The following PPP6R3 variants were observed in gnomAD, a reference collection of about 807,000 sequenced individuals.
The protein encoded by PPP6R3 is serine/threonine-protein phosphatase 6 regulatory subunit 3.
PPP6R3 carries 38 observed loss-of-function variants against 110.7 expected under a neutral mutation model. That is an observed-to-expected ratio of 0.34 (90% CI 0.26 to 0.45). PPP6R3 has a LOEUF of 0.45. Among genes scored for constraint, PPP6R3 ranks in the 20% least tolerant of loss-of-function variants. The pLI is 1.00. For missense variants in PPP6R3, 870 were observed against 1,062.4 expected, an observed-to-expected ratio of 0.82 and a Z score of 2.52; for synonymous variants, 369 against 373.5, an observed-to-expected ratio of 0.99 and a Z score of 0.14.
intron 13 of PPP6R3, among the ~76,000 whole-genome samples, chr11:68,575,644 T>C (rs996357940): frequency 6.6e-6 from 1 of 152,206 alleles, no homozygotes; most frequent in African/African-American, 2.4e-5. Context: ...CAGGTTAAGC[T>C]TCTACCAGAG....
chr11:68,490,343 A>T (rs1300769104), intron 1 of PPP6R3, among the ~76,000 whole-genome samples: 1 of 151,152 alleles, frequency 6.6e-6, no homozygotes, highest in East Asian at 1.9e-4. Flanking sequence ...TCCCACCTTG[A>T]TTTCTTTTAA....
At chr11:68,569,659 C>T in intron 10 of PPP6R3, 89 bp from the exon 11 acceptor site, 1 of 1,196,078 alleles carries the variant, frequency 8.4e-7, no homozygotes, top group Non-Finnish European at 1.1e-6. Context: ...ATCATTTTTA[C>T]TTTATTAAAT....
intron 16 of PPP6R3, among the ~76,000 whole-genome samples, chr11:68,590,436 A>T (rs2099591646): frequency 6.6e-6 from 1 of 152,186 alleles, no homozygotes; most frequent in South Asian, 2.1e-4. Flanking sequence ...CAAAGGCTTT[A>T]TGTCTCAGAA....
At chr11:68,592,626 T>G (rs1262900973) in intron 18 of PPP6R3, among the ~76,000 whole-genome samples, 2 of 152,178 alleles carry the variant, frequency 1.3e-5, no homozygotes, top group African/African-American at 2.4e-5. Context: ...TGAATAAGGC[T>G]GTTAGACCGG....
At chr11:68,605,311 TCAAA>T (rs932647806) in intron 22 of PPP6R3, among the ~76,000 whole-genome samples, 1 of 152,176 alleles carries the variant, frequency 6.6e-6, no homozygotes, top group African/African-American at 2.4e-5. Flanking sequence ...AGACCCTGTC[TCAAA>T]CAAAAGCGAA....
In PPP6R3 at chr11:68,538,228, G is replaced by A. The variant is rs2099280444; in HGVS notation, c.227+337G>A. ...GGACATGATGTGACTATGCAGAATC[G>A]CACAGCAGATCTAAGTCAGAGCTTG... is the stretch of plus-strand genomic sequence containing the variant. On this transcript the variant is annotated intron_variant, in intron 3 of 23. Transcript: ENST00000393800. 3.3e-5 allele frequency among the ~76,000 whole-genome samples: 5 copies of A among 152,304 alleles called. No homozygotes were observed. In the South Asian group the frequency reaches 8.3e-4, roughly 25 times the overall value.
intron 1 of PPP6R3, among the ~76,000 whole-genome samples, chr11:68,481,984 G>T (rs1263359821): frequency 6.6e-6 from 1 of 152,084 alleles, no homozygotes; most frequent in Non-Finnish European, 1.5e-5. Context: ...TCAGAAGTGG[G>T]ATAGAACCTT....
At chr11:68,531,307 T>TTTGATTGATTGA (rs143892274) in intron 2 of PPP6R3, among the ~76,000 whole-genome samples, 6 of 136,952 alleles carry the variant, frequency 4.4e-5, no homozygotes, top group African/African-American at 1.6e-4. Flanking sequence ...TGAGACTGTG[T>TTTGATTGATTGA]TTTATTTATT....
chr11:68,554,402 G>C (rs759366191), intron 7 of PPP6R3, 145 bp downstream of exon 7: 2 of 529,150 alleles, frequency 3.8e-6, no homozygotes, highest in African/African-American at 3.9e-5. Context: ...AGGGAAACCT[G>C]CTTCTTTTAT....
In PPP6R3 at chr11:68,467,509, C is replaced by T. The variant is rs372643921; in HGVS notation, c.-158+6682C>T. 2.6e-5 allele frequency among the ~76,000 whole-genome samples: 4 copies of T among 152,178 alleles called. No individual in the cohort carries two copies. In the South Asian group the frequency reaches 8.3e-4, roughly 31 times the overall value. The stretch of plus-strand genomic sequence containing the variant: ...TAGTTGGAGCCTTGGGTTTCCTATA[C>T]CTACATGTAAATCTGAACAAAAATT... On this transcript the variant is annotated intron_variant, in intron 1 of 23. Transcript: ENST00000393800.
chr11:68,603,283 T>C, intron 21 of PPP6R3, 59 bp from the exon 22 acceptor site: 1 of 1,599,690 alleles, frequency 6.3e-7, no homozygotes, highest in South Asian at 1.1e-5. Context: ...TGTACAGTGG[T>C]GGGGTGCCAG....
chr11:68,554,732 CAT>C (rs1419236000), intron 7 of PPP6R3, among the ~76,000 whole-genome samples: 5 of 152,234 alleles, frequency 3.3e-5, no homozygotes, highest in African/African-American at 1.2e-4. Flanking sequence ...TCTAGATTCA[CAT>C]GTTTTTAAAA....
chr11:68,588,375 C>T (rs2099585351), intron 16 of PPP6R3, among the ~76,000 whole-genome samples: 1 of 152,082 alleles, frequency 6.6e-6, no homozygotes, highest in Non-Finnish European at 1.5e-5. Context: ...TGGCAGGCAC[C>T]TGTAATCCCA....
At chr11:68,511,053 C>T (rs1461235587) in intron 1 of PPP6R3, among the ~76,000 whole-genome samples, 1 of 150,438 alleles carries the variant, frequency 6.6e-6, no homozygotes, top group Non-Finnish European at 1.5e-5. Context: ...ACGTATACTA[C>T]ATTACGACCA....
chr11:68,550,912 A>C (rs566550585), intron 5 of PPP6R3: 27 of 477,630 alleles, frequency 5.7e-5, no homozygotes, highest in African/African-American at 5.3e-4. Context: ...TAATTTGGGG[A>C]GTTGTTGGTA....
At chr11:68,568,926 A>G (rs1245196843) in intron 10 of PPP6R3, among the ~76,000 whole-genome samples, 1 of 151,808 alleles carries the variant, frequency 6.6e-6, no homozygotes, top group African/African-American at 2.4e-5. Context: ...CACCACACCC[A>G]GCGATTTTTT....
intron 8 of PPP6R3, 56 bp downstream of exon 8, chr11:68,558,735 A>G: frequency 2.9e-6 from 4 of 1,365,430 alleles, no homozygotes; most frequent in Non-Finnish European, 4.1e-6. Flanking sequence ...TTCAGATTTA[A>G]GAGTTAAATT....
intron 23 of PPP6R3, among the ~76,000 whole-genome samples, chr11:68,610,321 T>C (rs1276219121): frequency 1.3e-5 from 2 of 152,156 alleles, no homozygotes. Context: ...ACCCTTGTTG[T>C]TGAGGTACTG....
intron 22 of PPP6R3, among the ~76,000 whole-genome samples, chr11:68,608,363 G>A (rs1000716879): frequency 6.6e-6 from 1 of 152,186 alleles, no homozygotes; most frequent in Non-Finnish European, 1.5e-5. Flanking sequence ...TAACAATATA[G>A]GACTTGATAC....
Sources: gnomAD v4.1 joint callset for allele counts (sites outside exome capture counted in the v4.1 genomes callset) on GRCh38, gnomAD v4.1.1 for gene constraint, MANE v1.5 for transcripts, NCBI Gene and HGNC (gene_info 2026-07-23, HGNC 2026-07-21) for gene names.